The following IMPG1 variants were observed in gnomAD, a reference collection of about 807,000 sequenced individuals.
IMPG1 encodes interphotoreceptor matrix proteoglycan 1, also known as interphotoreceptor matrix proteoglycan of 150 kDa.
A neutral mutation model predicts 92.0 loss-of-function variants in IMPG1; 85 were observed. The observed-to-expected ratio is 0.92, with a 90% CI of 0.78 to 1.11. The LOEUF is 1.11. Ranked by LOEUF, IMPG1 falls within the 50% of genes least tolerant of loss-of-function variation. The probability of loss-of-function intolerance (pLI) is 0.00; values close to 1 mark genes in which losing one functional copy is unlikely to be tolerated. For synonymous variants in IMPG1, 367 were observed against 334.1 expected (o/e 1.10, Z -1.08); for missense variants, 1,022 against 956.0 (o/e 1.07, Z -0.91).
intron 12 of IMPG1, among the ~76,000 whole-genome samples, chr6:75,992,635 TC>T (rs1782830317): frequency 2.0e-5 from 3 of 152,160 alleles, no homozygotes; most frequent in African/African-American, 4.8e-5. Context: ...AGACAAACTT[TC>T]CCTAAGCCCC....
chr6:75,999,165 T>A (rs1582094761), intron 12 of IMPG1, among the ~76,000 whole-genome samples: 2 of 151,806 alleles, frequency 1.3e-5, no homozygotes, highest in East Asian at 3.9e-4. Context: ...CCGATAGGAG[T>A]GATCTTAACA....
intron 8 of IMPG1, among the ~76,000 whole-genome samples, chr6:76,009,743 CT>C (rs1783153097): frequency 6.6e-6 from 1 of 152,104 alleles, no homozygotes; most frequent in African/African-American, 2.4e-5. Flanking sequence ...AAATATTTAC[CT>C]TGTAAAATTT....
chr6:75,939,072 C>G (rs1395930984), intron 14 of IMPG1, among the ~76,000 whole-genome samples: 1 of 152,184 alleles, frequency 6.6e-6, no homozygotes, highest in Non-Finnish European at 1.5e-5. Flanking sequence ...CCCCTGGGCT[C>G]AAGCAATCCA....
Position 75,974,408 on chromosome 6 carries a change from C to G in IMPG1, c.1292-23314G>C, listed in dbSNP as rs1202810712. On this transcript the variant is annotated intron_variant, in intron 12 of 16. Coordinates refer to ENST00000369950, the MANE Select transcript of IMPG1 (RefSeq NM_001563.4). ...CTTTCTTTCTTTTCTTTCTTTCCTT[C>G]CTTCCTTCCTTCCTTCCTTGCTTCC... Among the ~76,000 whole-genome samples, 598 of 123,046 alleles carry G rather than the reference C, an allele frequency of 4.9e-3. 16 individuals carry two copies. The highest frequency in any genetic ancestry group is 0.033 in the East Asian group (123 of 3,778). The allele number at this position is 123,046 out of a possible 152,430, so 80.7% of individuals were successfully genotyped here.
intron 12 of IMPG1, among the ~76,000 whole-genome samples, chr6:75,985,968 G>A (rs948905080): frequency 9.2e-5 from 14 of 152,172 alleles, no homozygotes; most frequent in African/African-American, 3.4e-4. Flanking sequence ...CCTGAAGAGG[G>A]ATGAAAGAGC....
intron 15 of IMPG1, among the ~76,000 whole-genome samples, chr6:75,929,053 G>A (rs1460128402): frequency 2.0e-5 from 3 of 152,180 alleles, no homozygotes; most frequent in Non-Finnish European, 2.9e-5. Context: ...ATGACTCAAA[G>A]CAGTAATGCT....
At chr6:75,937,078 C>T (rs1335871118) in intron 14 of IMPG1, among the ~76,000 whole-genome samples, 1 of 152,038 alleles carries the variant, frequency 6.6e-6, no homozygotes, top group East Asian at 1.9e-4. Flanking sequence ...AAAGGGCCAG[C>T]AGCATGACCC....
intron 14 of IMPG1, among the ~76,000 whole-genome samples, chr6:75,941,788 A>G (rs971091140): frequency 6.6e-6 from 1 of 152,208 alleles, no homozygotes; most frequent in African/African-American, 2.4e-5. Flanking sequence ...CCAATTTTTC[A>G]TATTCTCTTT....
At chr6:76,062,623 C>T (rs183748133) in intron 1 of IMPG1, among the ~76,000 whole-genome samples, 36 of 152,272 alleles carry the variant, frequency 2.4e-4, no homozygotes, top group Non-Finnish European at 3.4e-4. Context: ...AACACCCAAT[C>T]GTTATGCTTA....
At chr6:75,996,503 A>G (rs939439871) in intron 12 of IMPG1, among the ~76,000 whole-genome samples, 3 of 152,176 alleles carry the variant, frequency 2.0e-5, no homozygotes, top group Admixed American at 6.6e-5. Flanking sequence ...TGTTCAGTAT[A>G]ATGTTGGAAA....
chr6:76,002,820 C>A, intron 12 of IMPG1, 98 bp downstream of exon 12: 1 of 909,000 alleles, frequency 1.1e-6, no homozygotes, highest in Non-Finnish European at 1.8e-6. Flanking sequence ...TTCCTGGGTT[C>A]GGGATGGCTT....
At chr6:76,000,094 C>T (rs1474719166) in intron 12 of IMPG1, among the ~76,000 whole-genome samples, 2 of 152,178 alleles carry the variant, frequency 1.3e-5, no homozygotes, top group South Asian at 2.1e-4. Flanking sequence ...AAGCAATTAC[C>T]ATGCTGTAAG....
chr6:76,064,097 T>C (rs1186208352), intron 1 of IMPG1, among the ~76,000 whole-genome samples: 1 of 152,166 alleles, frequency 6.6e-6, no homozygotes, highest in East Asian at 1.9e-4. Flanking sequence ...GGATACAGGC[T>C]GCTCTTCCTG....
intron 12 of IMPG1, among the ~76,000 whole-genome samples, chr6:76,002,138 T>C (rs1312464166): frequency 6.6e-6 from 1 of 152,184 alleles, no homozygotes; most frequent in African/African-American, 2.4e-5. Context: ...CAGCCTAGTA[T>C]CCTGGGGCTT....
intron 1 of IMPG1, among the ~76,000 whole-genome samples, chr6:76,067,608 T>C (rs902655053): frequency 6.6e-6 from 1 of 151,792 alleles, no homozygotes; most frequent in Non-Finnish European, 1.5e-5. Flanking sequence ...CTACCAGACA[T>C]ACAAAAAAGA....
intron 1 of IMPG1, among the ~76,000 whole-genome samples, chr6:76,061,758 T>G (rs1784210532): frequency 6.6e-6 from 1 of 152,176 alleles, no homozygotes; most frequent in African/African-American, 2.4e-5. Flanking sequence ...ATGAAATTAT[T>G]TAGGTGAAAT....
At chr6:75,934,221 T>C (rs779279331) in intron 14 of IMPG1, among the ~76,000 whole-genome samples, 45 of 152,360 alleles carry the variant, frequency 3.0e-4, no homozygotes, top group Admixed American at 4.6e-4. Context: ...CACCCTTTCA[T>C]GAGGCAGAAT....
intron 12 of IMPG1, among the ~76,000 whole-genome samples, chr6:75,966,473 C>T (rs1782309512): frequency 1.3e-5 from 2 of 152,074 alleles, no homozygotes; most frequent in Admixed American, 1.3e-4. Context: ...TTGCTCTCAC[C>T]CCCTCCTGCT....
chr6:76,055,117 C>T (rs772143218), intron 1 of IMPG1, among the ~76,000 whole-genome samples: 4 of 151,802 alleles, frequency 2.6e-5, no homozygotes, highest in Non-Finnish European at 4.4e-5. Flanking sequence ...ATAAAATATG[C>T]CTTCTTTTCA....
Sources: allele counts gnomAD v4.1 joint callset (sites outside exome capture counted in the v4.1 genomes callset), GRCh38; gene constraint gnomAD v4.1.1; transcripts MANE v1.5; gene names NCBI Gene and HGNC (gene_info 2026-07-23, HGNC 2026-07-21).